Variants in FRYL observed in about 807,000 individuals in gnomAD.
FRYL encodes protein furry homolog-like.
Under a neutral mutation model 351.2 loss-of-function variants are expected in FRYL, and 150 were observed. That is an observed-to-expected ratio of 0.43 (90% CI 0.37 to 0.49). The LOEUF (loss-of-function observed/expected upper bound fraction) is 0.49. FRYL is among the 20% of genes least tolerant of loss of function. The pLI, the probability that FRYL is intolerant of heterozygous loss-of-function variation, is 0.00. For missense variants in FRYL, 3,036 were observed against 3,619.3 expected, an observed-to-expected ratio of 0.84 and a Z score of 4.13; for synonymous variants, 1,153 against 1,257.1, an observed-to-expected ratio of 0.92 and a Z score of 1.75.
chr4:48,702,237 C>A (rs1487662156), intron 2 of FRYL, among the ~76,000 whole-genome samples: 13 of 149,764 alleles, frequency 8.7e-5, no homozygotes, highest in Admixed American at 8.6e-4. Flanking sequence ...GGGCGGATCA[C>A]CTGAGGTCAG....
intron 3 of FRYL, among the ~76,000 whole-genome samples, chr4:48,662,034 C>T (rs1760831501): frequency 6.6e-6 from 1 of 152,124 alleles, no homozygotes; most frequent in Admixed American, 6.5e-5. Flanking sequence ...GCACTGACAA[C>T]TAAACATAAT....
At position 48,510,920 on chromosome 4, in the gene FRYL, T is replaced by C; in HGVS notation, c.8210A>G (p.Gln2737Arg). 1.2e-6 allele frequency: 2 copies of C among 1,612,494 alleles called. No homozygotes were observed. The highest frequency in any genetic ancestry group is 1.7e-6 in the Non-Finnish European group (2 of 1,178,614). The stretch of plus-strand genomic sequence containing the variant: ...ACTTTTAAATTTGGTACCAATGCGT[T>C]GCAGACTATCACCAAGAAAGCTGAC... ...EAVSFLGDSL[Q>R]RIGTKFKSSL... Residue 2737 changes from glutamine to arginine, a missense_variant, in exon 58 of 64, where the codon CAA (glutamine) becomes CGA (arginine). Around this residue, in one of 7 missense-constraint regions of FRYL, gnomAD observed 1,987 missense variants for 2,311.7 expected, o/e 0.86. Coordinates refer to ENST00000358350, the MANE Select transcript of FRYL (RefSeq NM_015030.2).
rs887379397 is a variant in FRYL, at chr4:48,549,427, A to C, written c.4784+46T>G. On this transcript the variant is annotated intron_variant, in intron 39 of 63. Transcript: ENST00000358350. This position sits in a 1 kb window ranked among gnomAD's most constrained non-coding sequence, Gnocchi z 4.2. ...AGCACAAAGAAAGCCGACAGTGTTC[A>C]GCAGCAACTTGGTGCATATGTAAAA... The C allele has an allele frequency of 2.0e-5, 31 of 1,553,710 alleles. No individual in the cohort carries two copies. Among genetic ancestry groups the C allele is most frequent in the Non-Finnish European group, 2.6e-5 (30 of 1,145,288 alleles).
chr4:48,643,607 A>C (rs1755756024), intron 3 of FRYL, among the ~76,000 whole-genome samples: 1 of 151,960 alleles, frequency 6.6e-6, no homozygotes, highest in South Asian at 2.1e-4. Context: ...CTTGCTATTC[A>C]ACACCATCCT....
At chr4:48,563,312 G>T (rs1171121447) in intron 31 of FRYL, among the ~76,000 whole-genome samples, 1 of 151,346 alleles carries the variant, frequency 6.6e-6, no homozygotes, top group African/African-American at 2.4e-5. Context: ...CATAATTTTT[G>T]TAATATCCAC....
At chr4:48,562,611 T>G (rs188476920) in intron 32 of FRYL, among the ~76,000 whole-genome samples, 22 of 152,320 alleles carry the variant, frequency 1.4e-4, no homozygotes, top group African/African-American at 1.7e-4. Context: ...AATACTTACA[T>G]GGACACATAT....
chr4:48,755,145 A>T (rs1405458542), intron 1 of FRYL, among the ~76,000 whole-genome samples: 2 of 152,138 alleles, frequency 1.3e-5, no homozygotes, highest in African/African-American at 4.8e-5. Context: ...ATTAATTAAA[A>T]TATTGACGTT....
chr4:48,512,355 C>A (rs756814383), intron 57 of FRYL, 126 bp downstream of exon 57: 31 of 688,382 alleles, frequency 4.5e-5, no homozygotes, highest in Non-Finnish European at 2.9e-5. Flanking sequence ...ATACCATTAG[C>A]TTAGAAAAAA....
chr4:48,763,934 T>G (rs1774677781), intron 1 of FRYL, among the ~76,000 whole-genome samples: 1 of 152,096 alleles, frequency 6.6e-6, no homozygotes. Flanking sequence ...TTCGGGAGTA[T>G]GAGGCGGGCG....
rs962277016 is a variant in FRYL, at chr4:48,499,076, T to G, written c.*346A>C. ...CCTCATTTCACCTGCTTTTGGTTGT[T>G]TCAGTATTGGAGGCCATTATTGCAA... On this transcript the variant is annotated 3_prime_UTR_variant, in exon 64 of 64. Transcript: ENST00000358350. The G allele has an allele frequency of 1.0e-5, 2 of 199,766 alleles. No individual in the cohort carries two copies. The highest frequency in any genetic ancestry group is 4.8e-5 in the African/African-American group (2 of 42,102). The allele number at this position is 199,766 out of a possible 1,614,324, so 12.4% of individuals were successfully genotyped here.
chr4:48,690,184 C>A (rs186950173), intron 2 of FRYL, among the ~76,000 whole-genome samples: 2 of 151,948 alleles, frequency 1.3e-5, no homozygotes, highest in Admixed American at 6.6e-5. Flanking sequence ...GGATTTCAGG[C>A]GTGAGCCACC....
chr4:48,609,064 A>G lies in FRYL; in HGVS notation c.495T>C (p.Tyr165=), dbSNP rs765451935. The G allele has an allele frequency of 2.2e-5, 34 of 1,572,520 alleles. 1 individual carries two copies. The highest frequency in any genetic ancestry group is 3.0e-5 in the Non-Finnish European group (34 of 1,144,276). The part of the protein sequence containing the change: ...AFKHFKHKEG[Y]SGTNTGNVHI... The stretch of plus-strand genomic sequence containing the variant: ...GCACATTCCCAGTGTTGGTTCCTGA[A>G]TATCTAAAATAACAAAAGAACAAAC... Residue 165 remains tyrosine, a synonymous_variant, in exon 9 of 64, where the codon TAT becomes TAC. Coordinates refer to ENST00000358350, the MANE Select transcript of FRYL (RefSeq NM_015030.2).
intron 21 of FRYL, 98 bp downstream of exon 21, chr4:48,581,322 A>G: frequency 9.8e-7 from 1 of 1,025,506 alleles, no homozygotes; most frequent in Admixed American, 2.7e-5. Flanking sequence ...GTTAGTTTAG[A>G]CCCATGGTAG....
chr4:48,498,456 A>ATAAG lies in FRYL; in HGVS notation c.*962_*965dup, dbSNP rs1553910209. Reference sequence around the variant, plus strand: ...CTCTACAGTTTCTATATGGAGTAAAATAAGTTAAAACTTTTCTAATGAGAA... The same window carrying ATAAG: ...CTCTACAGTTTCTATATGGAGTAAAATAAGTAAGTTAAAACTTTTCTAATGAGAA... On this transcript the variant is annotated 3_prime_UTR_variant, in exon 64 of 64. Coordinates refer to ENST00000358350, the MANE Select transcript of FRYL (RefSeq NM_015030.2). 2 of 152,656 alleles carry ATAAG rather than the reference A, an allele frequency of 1.3e-5. No homozygotes were observed. The highest frequency in any genetic ancestry group is 2.4e-5 in the African/African-American group (1 of 41,462). The allele number at this position is 152,656 out of a possible 1,614,324, so 9.5% of individuals were successfully genotyped here.
intron 1 of FRYL, among the ~76,000 whole-genome samples, chr4:48,731,012 G>C (rs1420164540): frequency 1.3e-5 from 2 of 151,974 alleles, no homozygotes; most frequent in Admixed American, 1.3e-4. Flanking sequence ...CAAAATAAAG[G>C]GATGGAGGAA....
chr4:48,510,924 G>C lies in FRYL; in HGVS notation c.8206C>G (p.Leu2736Val). 6.2e-7 allele frequency: 1 copy of C among 1,611,924 alleles called. No homozygotes were observed. Among genetic ancestry groups the C allele is most frequent in the South Asian group, 1.1e-5 (1 of 90,990 alleles). Residue 2736 changes from leucine to valine, a missense_variant, in exon 58 of 64, where the codon CTG (leucine) becomes GTG (valine). This residue lies in a region of FRYL where 1,987 missense variants were observed against 2,311.7 expected (regional missense o/e 0.86). Transcript: ENST00000358350. ...NEAVSFLGDS[L>V]QRIGTKFKSS... The stretch of plus-strand genomic sequence containing the variant: ...TTAAATTTGGTACCAATGCGTTGCA[G>C]ACTATCACCAAGAAAGCTGACTGCC...
Position 48,603,397 on chromosome 4 carries a change from A to G in FRYL, c.835-9T>C. 2.0e-6 allele frequency: 3 copies of G among 1,498,296 alleles called. No individual in the cohort carries two copies. The highest frequency in any genetic ancestry group is 2.8e-6 in the Non-Finnish European group (3 of 1,083,308). The allele number at this position is 1,498,296 out of a possible 1,614,324, so 92.8% of individuals were successfully genotyped here. On this transcript the variant is annotated splice_polypyrimidine_tract_variant and intron_variant, in intron 11 of 63. Coordinates refer to ENST00000358350, the MANE Select transcript of FRYL (RefSeq NM_015030.2). ...ACTTCATTTTTAACAGCCTAGTAAA[A>G]AGATAATGCAAACAAAGAAAATGAT...
intron 62 of FRYL, 22 bp downstream of exon 62, chr4:48,501,601 C>A: frequency 1.6e-6 from 2 of 1,264,514 alleles, no homozygotes; most frequent in Non-Finnish European, 2.3e-6. Context: ...GTTACTGATG[C>A]CTAATACAAC....
rs777891042 is a variant in FRYL at position 48,609,805 on chromosome 4, G to A, written c.430C>T (p.Pro144Ser). Reference sequence around the variant, plus strand: ...AGAACTTCATGAACTAAGGGATCGGGTACAGGATGAACAGGAATCTAGAAT... The same window carrying A: ...AGAACTTCATGAACTAAGGGATCGGATACAGGATGAACAGGAATCTAGAAT... Reference protein sequence around the residue: ...VLKQIPVHPVPDPLVHEVLNL... With the variant: ...VLKQIPVHPVSDPLVHEVLNL... The change falls in exon 8 of 64, where the codon CCC (proline) becomes TCC (serine). Residue 144 changes from proline (P) to serine (S), a missense_variant. Physicochemically the swap from Pro to Ser is moderately conservative, Grantham distance 74. This residue lies in a region of FRYL where 457 missense variants were observed against 566.6 expected (regional missense o/e 0.81). Coordinates refer to ENST00000358350, the MANE Select transcript of FRYL (RefSeq NM_015030.2). 7 of 1,589,628 alleles carry A rather than the reference G, an allele frequency of 4.4e-6. No homozygotes were observed. In the South Asian group the frequency reaches 5.8e-5, roughly 13 times the overall value.
Sources: allele counts gnomAD v4.1 joint callset (sites outside exome capture counted in the v4.1 genomes callset), GRCh38; gene constraint gnomAD v4.1.1; regional missense constraint gnomAD v4.1.1; non-coding constraint Gnocchi (gnomAD v3.1); transcripts MANE v1.5; gene names NCBI Gene and HGNC (gene_info 2026-07-23, HGNC 2026-07-21).